FSD1L: variants seen among roughly 807,000 people sequenced by gnomAD.
FSD1L encodes FSD1-like protein.
FSD1L carries 45 observed loss-of-function variants against 71.6 expected under a neutral mutation model. The observed-to-expected ratio is 0.63, with a 90% CI of 0.49 to 0.81. The LOEUF (loss-of-function observed/expected upper bound fraction) is 0.81. Among genes scored for constraint, FSD1L ranks in the 30% least tolerant of loss-of-function variants. FSD1L has a pLI of 0.00. For missense variants in FSD1L, 561 were observed against 618.1 expected, an observed-to-expected ratio of 0.91 and a Z score of 0.98; for synonymous variants, 197 against 207.2, an observed-to-expected ratio of 0.95 and a Z score of 0.42.
chr9:105,473,819 C>T (rs1000543629), intron 5 of FSD1L, among the ~76,000 whole-genome samples: 12 of 152,308 alleles, frequency 7.9e-5, no homozygotes, highest in African/African-American at 2.6e-4. Flanking sequence ...CTCCCAAATG[C>T]TACCCTTTTC....
upstream of FSD1L, among the ~76,000 whole-genome samples, chr9:105,446,227 T>C (rs1304668980): frequency 6.6e-6 from 1 of 152,228 alleles, no homozygotes; most frequent in Non-Finnish European, 1.5e-5. Flanking sequence ...GTATTTGTTG[T>C]TCCTACTTTC....
chr9:105,510,684 G>A (rs976191871), intron 9 of FSD1L, among the ~76,000 whole-genome samples: 14 of 152,146 alleles, frequency 9.2e-5, no homozygotes, highest in African/African-American at 3.1e-4. Context: ...ATTCTCAGAA[G>A]TCATGAGTAA....
intron 12 of FSD1L, 151 bp from the exon 13 acceptor site, chr9:105,539,112 T>A (rs1836447262): frequency 3.7e-6 from 2 of 536,672 alleles, no homozygotes; most frequent in South Asian, 5.2e-5. Context: ...TTTGTCCTTC[T>A]GATTTTCAAG....
intron 5 of FSD1L, among the ~76,000 whole-genome samples, chr9:105,475,613 A>G (rs2131664772): frequency 6.6e-6 from 1 of 152,286 alleles, no homozygotes; most frequent in South Asian, 2.1e-4. Context: ...AGGACAATAT[A>G]AAAAAACAGA....
intron 1 of FSD1L, 69 bp from the exon 2 acceptor site, chr9:105,461,446 ATTAAT>A (rs1364843121): frequency 2.3e-5 from 14 of 609,778 alleles, no homozygotes; most frequent in Non-Finnish European, 3.3e-5. Flanking sequence ...AAATATTAAA[ATTAAT>A]TTATCCTGTT....
At chr9:105,498,561 AT>A (rs768638747) in intron 7 of FSD1L, among the ~76,000 whole-genome samples, 2 of 152,160 alleles carry the variant, frequency 1.3e-5, no homozygotes, top group Non-Finnish European at 2.9e-5. Flanking sequence ...TGGTATTGTA[AT>A]TTTATGGGAC....
chr9:105,456,870 A>G (rs1208305750), intron 1 of FSD1L, among the ~76,000 whole-genome samples: 1 of 150,586 alleles, frequency 6.6e-6, no homozygotes, highest in Admixed American at 6.6e-5. Context: ...ATCTTATAAA[A>G]TATAATTTTC....
intron 13 of FSD1L, among the ~76,000 whole-genome samples, chr9:105,539,597 G>A (rs182646605): frequency 6.6e-6 from 1 of 152,062 alleles, no homozygotes; most frequent in African/African-American, 2.4e-5. Context: ...AGTTTTTATA[G>A]GACTGCACTC....
At chr9:105,531,944 C>T (rs1835920291) in intron 10 of FSD1L, among the ~76,000 whole-genome samples, 1 of 152,168 alleles carries the variant, frequency 6.6e-6, no homozygotes, top group Admixed American at 6.5e-5. Flanking sequence ...TGTTTTTTCA[C>T]ACCTCTTTTT....
At chr9:105,450,608 A>T (rs1487946336) in intron 1 of FSD1L, among the ~76,000 whole-genome samples, 1 of 143,770 alleles carries the variant, frequency 7.0e-6, no homozygotes, top group African/African-American at 2.6e-5. Context: ...ATCTTGGCTT[A>T]CTGCAACCTC....
upstream of FSD1L, among the ~76,000 whole-genome samples, chr9:105,443,733 A>G (rs1279281793): frequency 6.6e-6 from 1 of 152,148 alleles, no homozygotes; most frequent in Non-Finnish European, 1.5e-5. Flanking sequence ...GGAGTTCAAG[A>G]CCATCCTGAC....
rs933209875 is a variant in FSD1L, at chr9:105,550,900, C to CG, written c.*4417_*4418insG. On this transcript the variant is annotated 3_prime_UTR_variant, in exon 14 of 14. Coordinates refer to ENST00000481272, the MANE Select transcript of FSD1L (RefSeq NM_001145313.3). ...ACTGGTATCTTTTCTTAGTGGTACC[C>CG]ATTCAATGTAAGCTGGTCCATGGGA... 2 of 151,934 alleles carry CG rather than the reference C, an allele frequency of 1.3e-5. No homozygotes were observed. Among genetic ancestry groups the CG allele is most frequent in the African/African-American group, 4.8e-5 (2 of 41,378 alleles). The allele number at this position is 151,934 out of a possible 1,614,324, so 9.4% of individuals were successfully genotyped here. A position where few individuals can be genotyped will look rare whatever the true frequency, so the allele number is the denominator to read the frequency against.
In FSD1L at chr9:105,522,138, A is replaced by G. The variant is rs113845397; in HGVS notation, c.1025+9202A>G. On this transcript the variant is annotated intron_variant, in intron 10 of 13. Transcript: ENST00000481272. ...TTTCCAGACCCTTATAGTTGCCTGG[A>G]TCAAAGCAAACCTAAATGTGTACAT... 1.1e-4 allele frequency: 184 copies of G among 1,614,020 alleles called. 1 individual carries two copies. In the African/African-American group the frequency reaches 2.3e-3, roughly 21 times the overall value.
intron 7 of FSD1L, among the ~76,000 whole-genome samples, chr9:105,502,844 T>C (rs1470756647): frequency 6.6e-6 from 1 of 151,984 alleles, no homozygotes; most frequent in Non-Finnish European, 1.5e-5. Context: ...AAGAAACCTT[T>C]TTCTGGAGGA....
At chr9:105,445,216 C>T (rs1317739134), upstream of FSD1L, among the ~76,000 whole-genome samples, 1 of 152,142 alleles carries the variant, frequency 6.6e-6, no homozygotes, top group South Asian at 2.1e-4. Context: ...AAGGAACTAG[C>T]TGTTTCCCAG....
intron 6 of FSD1L, among the ~76,000 whole-genome samples, chr9:105,482,452 A>G (rs1832270310): frequency 6.6e-6 from 1 of 152,198 alleles, no homozygotes; most frequent in Non-Finnish European, 1.5e-5. Flanking sequence ...CTCTTTGCAA[A>G]AATCAGGAGC....
At chr9:105,457,338 A>G (rs769503422) in intron 1 of FSD1L, among the ~76,000 whole-genome samples, 10 of 152,260 alleles carry the variant, frequency 6.6e-5, no homozygotes, top group Admixed American at 3.3e-4. Flanking sequence ...ATCATTTGAG[A>G]TCTTATAGGT....
chr9:105,488,226 T>G (rs1366822750), intron 7 of FSD1L, among the ~76,000 whole-genome samples: 1 of 152,224 alleles, frequency 6.6e-6, no homozygotes, highest in Non-Finnish European at 1.5e-5. Flanking sequence ...ATCTATTTAC[T>G]CTCTCCATAG....
At chr9:105,469,702 GT>G (rs57481431) in intron 4 of FSD1L, among the ~76,000 whole-genome samples, 77,720 of 141,678 alleles carry the variant, frequency 0.55, 21,962 homozygotes, top group East Asian at 0.75. Flanking sequence ...TGATTCACAG[GT>G]TTTTTTTTTT....
Sources: allele counts gnomAD v4.1 joint callset (sites outside exome capture counted in the v4.1 genomes callset), GRCh38; gene constraint gnomAD v4.1.1; transcripts MANE v1.5; gene names NCBI Gene and HGNC (gene_info 2026-07-23, HGNC 2026-07-21).